The following COL21A1 variants were observed in gnomAD, a reference collection of about 807,000 sequenced individuals.
COL21A1 encodes the protein collagen alpha-1(XXI) chain.
A neutral mutation model predicts 137.9 loss-of-function variants in COL21A1; 149 were observed. The observed-to-expected ratio is 1.08, with a 90% CI of 0.95 to 1.24. The LOEUF (loss-of-function observed/expected upper bound fraction) is 1.24. Ranked by LOEUF, COL21A1 falls within the 50% of genes most tolerant of loss-of-function variation. COL21A1 has a pLI of 0.00. For missense variants in COL21A1, 1,167 were observed against 1,158.4 expected, an observed-to-expected ratio of 1.01 and a Z score of -0.11; for synonymous variants, 456 against 391.5, an observed-to-expected ratio of 1.16 and a Z score of -1.95.
At position 56,060,152 on chromosome 6, in the gene COL21A1, C is replaced by T; in HGVS notation, c.2474G>A (p.Gly825Asp). The change falls in exon 28 of 30, where the codon GGC (glycine) becomes GAC (aspartate). Residue 825 changes from glycine to aspartate, a missense_variant. Coordinates refer to ENST00000244728, the MANE Select transcript of COL21A1 (RefSeq NM_030820.4). ...AGGTGGCCCAGGAATACCCGGGGAG[C>T]CATGTTGGGACAGGCAATGATCACA... ...RNCDHCLSQHGSPGIPGPPGP... is the reference protein window; with the variant it reads ...RNCDHCLSQHDSPGIPGPPGP... 1 of 1,611,110 alleles carries T rather than the reference C, an allele frequency of 6.2e-7. No individual in the cohort carries two copies. Among genetic ancestry groups the T allele is most frequent in the Non-Finnish European group, 8.5e-7 (1 of 1,179,124 alleles).
At chr6:56,264,581 C>T (rs1278417373) in intron 1 of COL21A1, among the ~76,000 whole-genome samples, 3 of 152,158 alleles carry the variant, frequency 2.0e-5, no homozygotes, top group African/African-American at 7.2e-5. Context: ...TACTTGAGGA[C>T]CTGGCCTCTA....
intron 9 of COL21A1, among the ~76,000 whole-genome samples, chr6:56,160,304 C>T (rs1239126774): frequency 6.6e-6 from 1 of 152,196 alleles, no homozygotes; most frequent in African/African-American, 2.4e-5. Context: ...TCCTATGAAG[C>T]AGATACTTTT....
At chr6:56,256,276 T>C (rs1022870982) in intron 1 of COL21A1, among the ~76,000 whole-genome samples, 2 of 152,180 alleles carry the variant, frequency 1.3e-5, no homozygotes, top group African/African-American at 4.8e-5. Flanking sequence ...GATGATCTTA[T>C]AGGGCTTCTG....
intron 1 of COL21A1, among the ~76,000 whole-genome samples, chr6:56,360,509 T>C (rs1378281392): frequency 6.6e-6 from 1 of 151,898 alleles, no homozygotes; most frequent in Non-Finnish European, 1.5e-5. Flanking sequence ...GAAACCAAAA[T>C]GGAAGGGGAT....
At chr6:56,099,901 G>A (rs760314435) in intron 17 of COL21A1, among the ~76,000 whole-genome samples, 1 of 152,138 alleles carries the variant, frequency 6.6e-6, no homozygotes, top group Non-Finnish European at 1.5e-5. Context: ...AAAAGAGCCT[G>A]CTAACTAGCA....
intron 20 of COL21A1, among the ~76,000 whole-genome samples, chr6:56,071,119 A>C (rs543593836): frequency 1.3e-5 from 2 of 151,608 alleles, no homozygotes; most frequent in East Asian, 2.0e-4. Context: ...GGAGACATGT[A>C]CTTTAACAGC....
At chr6:56,369,635 T>A (rs1321077879) in intron 1 of COL21A1, among the ~76,000 whole-genome samples, 1 of 151,852 alleles carries the variant, frequency 6.6e-6, no homozygotes, top group Non-Finnish European at 1.5e-5. Context: ...ATAAAAGGAG[T>A]TAATGTGTTC....
At chr6:56,261,796 G>A (rs1763283373) in intron 1 of COL21A1, among the ~76,000 whole-genome samples, 1 of 152,134 alleles carries the variant, frequency 6.6e-6, no homozygotes, top group South Asian at 2.1e-4. Flanking sequence ...ACATAGTTCA[G>A]TGGGAACCTC....
chr6:56,221,239 A>C (rs1780809508), intron 1 of COL21A1, among the ~76,000 whole-genome samples: 1 of 152,080 alleles, frequency 6.6e-6, no homozygotes, highest in African/African-American at 2.4e-5. Flanking sequence ...GTGGCACCAA[A>C]TCCCTCTATT....
chr6:56,077,223 C>CA (rs1171207578), intron 18 of COL21A1, among the ~76,000 whole-genome samples: 4 of 151,204 alleles, frequency 2.6e-5, no homozygotes, highest in Non-Finnish European at 5.9e-5. Context: ...AAAAGACATT[C>CA]AAAAATATAG....
At chr6:56,382,840 T>C (rs764835824) in intron 1 of COL21A1, among the ~76,000 whole-genome samples, 5 of 152,328 alleles carry the variant, frequency 3.3e-5, no homozygotes, top group Admixed American at 1.3e-4. Flanking sequence ...TATTTTGTTA[T>C]GGCAGCCCAA....
chr6:56,156,545 G>A (rs1199100281), intron 10 of COL21A1, among the ~76,000 whole-genome samples: 1 of 152,280 alleles, frequency 6.6e-6, no homozygotes, highest in African/African-American at 2.4e-5. Flanking sequence ...CTTCCAGTCT[G>A]TGAGGGAGGG....
chr6:56,349,539 A>G (rs1765667353), intron 1 of COL21A1, among the ~76,000 whole-genome samples: 1 of 152,224 alleles, frequency 6.6e-6, no homozygotes, highest in African/African-American at 2.4e-5. Context: ...ATATCTCTAC[A>G]TGTTTAAATT....
At chr6:56,174,535 A>G (rs756072672) in intron 3 of COL21A1, among the ~76,000 whole-genome samples, 1 of 152,094 alleles carries the variant, frequency 6.6e-6, no homozygotes, top group Non-Finnish European at 1.5e-5. Flanking sequence ...GAACGACTAT[A>G]TATCAACAAA....
At chr6:56,374,459 T>C (rs1017292939) in intron 1 of COL21A1, among the ~76,000 whole-genome samples, 1 of 152,138 alleles carries the variant, frequency 6.6e-6, no homozygotes, top group African/African-American at 2.4e-5. Context: ...GTGTAGGATT[T>C]CTCAAACTAA....
intron 10 of COL21A1, among the ~76,000 whole-genome samples, chr6:56,148,368 G>GAGAGAGAA (rs1208798741): frequency 5.7e-4 from 86 of 150,230 alleles, no homozygotes; most frequent in African/African-American, 1.8e-3. Context: ...GAGAGAGAGA[G>GAGAGAGAA]AAACACATAA....
At position 56,255,334 on chromosome 6, in the gene COL21A1, G is replaced by GGTGTGTGTGT. The variant is rs71783697; in HGVS notation, c.-38-72688_-38-72679dup. ...CTAGAGTGATCACTGTTGTTAAGAG[G>GGTGTGTGTGT]GTGTGTGTGTGTGTGTGTGTGTGTG... On this transcript the variant is annotated intron_variant, in intron 1 of 28. Coordinates refer to the COL21A1 transcript ENST00000370819. Among the ~76,000 whole-genome samples the GGTGTGTGTGT allele has an allele frequency of 3.2e-3, 459 of 145,588 alleles. 3 individuals are homozygous for GGTGTGTGTGT. Among genetic ancestry groups the GGTGTGTGTGT allele is most frequent in the African/African-American group, 9.4e-3 (365 of 38,974 alleles).
At chr6:56,188,936 C>T (rs1451316179) in intron 1 of COL21A1, among the ~76,000 whole-genome samples, 3 of 151,990 alleles carry the variant, frequency 2.0e-5, no homozygotes, top group South Asian at 2.1e-4. Context: ...AAGAATAGTA[C>T]GTCCACTCAA....
In COL21A1 at chr6:56,137,380, T is replaced by C. The variant is rs533123602; in HGVS notation, c.1542+4405A>G. Among the ~76,000 whole-genome samples, 3 of 152,272 alleles carry C rather than the reference T, an allele frequency of 2.0e-5. No individual in the cohort carries two copies. The East Asian group carries it at 5.8e-4, about 29-fold the overall frequency. The stretch of plus-strand genomic sequence containing the variant: ...GTTTTGTACAGATCCGTGGCTTCTT[T>C]TCCTCTCAGAAAAAATAAAAGCAAA... On this transcript the variant is annotated intron_variant, in intron 12 of 29. Coordinates refer to ENST00000244728, the MANE Select transcript of COL21A1 (RefSeq NM_030820.4).
Sources: gnomAD v4.1 joint callset for allele counts (sites outside exome capture counted in the v4.1 genomes callset) on GRCh38, gnomAD v4.1.1 for gene constraint, MANE v1.5 for transcripts, NCBI Gene and HGNC (gene_info 2026-07-23, HGNC 2026-07-21) for gene names.